Variants in L3MBTL3 observed in about 807,000 individuals in gnomAD.
L3MBTL3 encodes lethal(3)malignant brain tumor-like protein 3.
In L3MBTL3, 27 loss-of-function variants were observed where a neutral mutation model predicts 102.3. The observed-to-expected ratio is 0.26, with a 90% confidence interval of 0.19 to 0.36. L3MBTL3 has a LOEUF of 0.36. Among genes scored for constraint, L3MBTL3 ranks in the 10% least tolerant of loss-of-function variants. L3MBTL3 has a pLI of 1.00. For missense variants in L3MBTL3, 798 were observed against 955.3 expected (o/e 0.84, Z 2.17); for synonymous variants, 340 against 320.9 (o/e 1.06, Z -0.64).
At chr6:130,095,977 T>G (rs1185301474) in intron 18 of L3MBTL3, among the ~76,000 whole-genome samples, 1 of 152,228 alleles carries the variant, frequency 6.6e-6, no homozygotes, top group Admixed American at 6.5e-5. Context: ...AGAAACTCAG[T>G]AAATATTTTC....
intron 2 of L3MBTL3, among the ~76,000 whole-genome samples, chr6:130,025,299 T>G (rs1036253836): frequency 6.6e-6 from 1 of 152,212 alleles, no homozygotes; most frequent in Non-Finnish European, 1.5e-5. Flanking sequence ...GGAAGATATA[T>G]TTTCTAAAGG....
intron 13 of L3MBTL3, among the ~76,000 whole-genome samples, chr6:130,076,455 AT>A (rs1489611788): frequency 6.6e-6 from 1 of 151,962 alleles, no homozygotes; most frequent in African/African-American, 2.4e-5. Context: ...ATAAGCATGG[AT>A]TTTTTTTAAA....
chr6:130,040,319 G>A (rs1780341298), intron 2 of L3MBTL3, among the ~76,000 whole-genome samples: 2 of 142,670 alleles, frequency 1.4e-5, no homozygotes, highest in African/African-American at 2.6e-5. Context: ...CGACAACAGC[G>A]AAACTCTGTC....
In L3MBTL3 at chr6:130,022,292, A is replaced by T. The variant is rs1258378911; in HGVS notation, c.-29A>T. 1 of 152,230 alleles carries T rather than the reference A, an allele frequency of 6.6e-6. No homozygotes were observed. The highest frequency in any genetic ancestry group is 1.5e-5 in the Non-Finnish European group (1 of 68,036). 9.4% of individuals were successfully genotyped at this position (152,230 alleles called of 1,614,324 possible). A position where few individuals can be genotyped will look rare whatever the true frequency, so the allele number is the denominator to read the frequency against. The stretch of plus-strand genomic sequence containing the variant: ...AGATCGCCAGAGAGTTCTGTGTTTC[A>T]TCACCGCCGAAAGGTAAGACCCACT... On this transcript the variant is annotated 5_prime_UTR_variant, in exon 2 of 23. Coordinates refer to ENST00000361794, the MANE Select transcript of L3MBTL3 (RefSeq NM_032438.4).
chr6:130,070,813 G>A (rs1460987539), intron 12 of L3MBTL3, 163 bp from the exon 13 acceptor site: 1 of 204,962 alleles, frequency 4.9e-6, no homozygotes, highest in Non-Finnish European at 8.6e-6. Context: ...TTTTTTTGCG[G>A]CTTGTTGGAA....
intron 2 of L3MBTL3, among the ~76,000 whole-genome samples, chr6:130,039,270 A>G (rs910250266): frequency 2.0e-5 from 3 of 152,128 alleles, no homozygotes; most frequent in South Asian, 2.1e-4. Context: ...TGTAAAATAT[A>G]AGGAACAACT....
At chr6:130,027,326 A>G (rs950271860) in intron 2 of L3MBTL3, among the ~76,000 whole-genome samples, 1 of 152,192 alleles carries the variant, frequency 6.6e-6, no homozygotes, top group African/African-American at 2.4e-5. Context: ...GCTTTATATT[A>G]CATAAATTTT....
At chr6:130,128,957 G>A (rs964854175) in intron 20 of L3MBTL3, among the ~76,000 whole-genome samples, 7 of 152,122 alleles carry the variant, frequency 4.6e-5, no homozygotes, top group South Asian at 2.1e-4. Flanking sequence ...GTCGGTAGAG[G>A]CACCTCTTAC....
chr6:130,074,395 G>C (rs1198759509), intron 13 of L3MBTL3, among the ~76,000 whole-genome samples: 2 of 152,174 alleles, frequency 1.3e-5, no homozygotes, highest in African/African-American at 4.8e-5. Context: ...TTTTGTTACT[G>C]ATAGTTGGTA....
At chr6:130,074,453 C>T (rs981826794) in intron 13 of L3MBTL3, among the ~76,000 whole-genome samples, 1 of 152,094 alleles carries the variant, frequency 6.6e-6, no homozygotes, top group Admixed American at 6.5e-5. Context: ...AGGAATAATC[C>T]TAGATGTAAT....
intron 2 of L3MBTL3, among the ~76,000 whole-genome samples, chr6:130,038,138 G>A (rs865920387): frequency 6.6e-6 from 1 of 152,036 alleles, no homozygotes; most frequent in African/African-American, 2.4e-5. Flanking sequence ...ATTCCTGTGT[G>A]TGTATAAACC....
chr6:130,104,168 TG>T (rs1440580900), intron 18 of L3MBTL3, among the ~76,000 whole-genome samples: 1 of 152,164 alleles, frequency 6.6e-6, no homozygotes, highest in East Asian at 1.9e-4. Context: ...AATCCTTCAG[TG>T]ACTCTTGCTC....
intron 2 of L3MBTL3, among the ~76,000 whole-genome samples, chr6:130,030,240 T>C (rs1779625072): frequency 2.0e-5 from 3 of 152,190 alleles, no homozygotes; most frequent in Admixed American, 6.5e-5. Flanking sequence ...TACATAATTT[T>C]TTTTAAAAAA....
At chr6:130,040,331 C>CAAA (rs200580576) in intron 2 of L3MBTL3, among the ~76,000 whole-genome samples, 2 of 100,522 alleles carry the variant, frequency 2.0e-5, no homozygotes, top group African/African-American at 7.3e-5. Flanking sequence ...AACTCTGTCT[C>CAAA]AAAAAAAAAA....
At chr6:130,044,418 GGAT>G (rs1780608759) in intron 3 of L3MBTL3, among the ~76,000 whole-genome samples, 1 of 151,876 alleles carries the variant, frequency 6.6e-6, no homozygotes, top group Admixed American at 6.6e-5. Flanking sequence ...ACTGTCACGT[GGAT>G]GATGAAATTT....
intron 2 of L3MBTL3, among the ~76,000 whole-genome samples, chr6:130,039,919 G>A (rs571247671): frequency 6.6e-6 from 1 of 152,284 alleles, no homozygotes; most frequent in Admixed American, 6.5e-5. Context: ...AACATTCTTA[G>A]TTACCACACT....
chr6:130,120,702 A>G (rs1786099634), intron 19 of L3MBTL3, among the ~76,000 whole-genome samples, 177 bp from the exon 20 acceptor site: 1 of 152,220 alleles, frequency 6.6e-6, no homozygotes, highest in South Asian at 2.1e-4. Flanking sequence ...AATGAGGAAA[A>G]TGGGCATTTA....
rs764266149 is a variant in L3MBTL3, at chr6:130,051,371, T to G, written c.412T>G (p.Tyr138Asp). 1.2e-6 allele frequency: 2 copies of G among 1,613,984 alleles called. No individual in the cohort carries two copies. Among genetic ancestry groups the G allele is most frequent in the East Asian group, 4.5e-5 (2 of 44,894 alleles). Residue 138 changes from tyrosine (Y) to aspartate (D), a missense_variant, in exon 6 of 23, where the codon TAT becomes GAT. Physicochemically the swap from Tyr to Asp is radical, Grantham distance 160. Around this residue, in one of 4 missense-constraint regions of L3MBTL3, gnomAD observed 434 missense variants for 506.6 expected, o/e 0.86. Transcript: ENST00000361794. ...AGATGAGTGTCTTTCTGGAGGAAACTATTGCAGCCAGAATTGTGCTCGGCA... is the reference window on the plus strand; with the variant it reads ...AGATGAGTGTCTTTCTGGAGGAAACGATTGCAGCCAGAATTGTGCTCGGCA... ...NVDECLSGGN[Y>D]CSQNCARHIK... is the part of the protein sequence containing the mutation.
Position 130,082,748 on chromosome 6 carries a change from T to G in L3MBTL3, c.1322-872T>G, listed in dbSNP as rs552360736. On this transcript the variant is annotated intron_variant, in intron 14 of 22. Transcript: ENST00000361794. ...GTGTGCTTATTTACTACAAGAGTGT[T>G]GATGTTTCCAGGCCTTTAAGCTGAT... is the stretch of plus-strand genomic sequence containing the variant. Among the ~76,000 whole-genome samples, 8 of 152,326 alleles carry G rather than the reference T, an allele frequency of 5.3e-5. No individual in the cohort carries two copies. In the East Asian group the frequency reaches 1.5e-3, roughly 29 times the overall value.
Sources: allele counts gnomAD v4.1 joint callset (sites outside exome capture counted in the v4.1 genomes callset), GRCh38; gene constraint gnomAD v4.1.1; regional missense constraint gnomAD v4.1.1; transcripts MANE v1.5; gene names NCBI Gene and HGNC (gene_info 2026-07-23, HGNC 2026-07-21).